Variants in FAM107B observed in about 807,000 individuals in gnomAD.
FAM107B encodes the protein protein FAM107B.
A neutral mutation model predicts 31.5 loss-of-function variants in FAM107B; 21 were observed. That is an observed-to-expected ratio of 0.67 (90% CI 0.47 to 0.96). FAM107B has a LOEUF of 0.96. FAM107B is among the 40% of genes least tolerant of loss of function. FAM107B has a pLI of 0.00. For synonymous variants in FAM107B, 157 were observed against 141.5 expected (o/e 1.11, Z -0.78); for missense variants, 452 against 377.1 (o/e 1.20, Z -1.64).
At chr10:14,700,642 G>T (rs1855374906) in intron 1 of FAM107B, among the ~76,000 whole-genome samples, 1 of 151,938 alleles carries the variant, frequency 6.6e-6, no homozygotes, top group Non-Finnish European at 1.5e-5. Context: ...TGTGGAATCT[G>T]CTGCAACTCC....
chr10:14,654,945 A>C (rs562245668), intron 2 of FAM107B, among the ~76,000 whole-genome samples: 7 of 152,328 alleles, frequency 4.6e-5, no homozygotes, highest in Middle Eastern at 3.4e-3. Flanking sequence ...GTAGTGTCTC[A>C]GTTCATTCTG....
At chr10:14,601,561 A>ACAG (rs1171582496) in intron 2 of FAM107B, among the ~76,000 whole-genome samples, 2 of 152,154 alleles carry the variant, frequency 1.3e-5, no homozygotes, top group Non-Finnish European at 2.9e-5. Flanking sequence ...ATCCCACTCC[A>ACAG]CAGCAGCTTT....
intron 1 of FAM107B, among the ~76,000 whole-genome samples, chr10:14,724,645 C>T (rs181574705): frequency 5.9e-5 from 9 of 151,820 alleles, no homozygotes; most frequent in East Asian, 5.8e-4. Context: ...AGGAGGAGAG[C>T]GTTCCCTAGG....
At chr10:14,541,695 C>T (rs1233173752) in intron 2 of FAM107B, among the ~76,000 whole-genome samples, 1 of 152,200 alleles carries the variant, frequency 6.6e-6, no homozygotes, top group Non-Finnish European at 1.5e-5. Flanking sequence ...TTGAAGGACA[C>T]AGAAGTCAAT....
At chr10:14,715,748 G>T (rs192896843) in intron 1 of FAM107B, among the ~76,000 whole-genome samples, 179 of 152,276 alleles carry the variant, frequency 1.2e-3, no homozygotes, top group Non-Finnish European at 2.1e-3. Flanking sequence ...AGCACTCCTT[G>T]TTCCCCAGCC....
intron 1 of FAM107B, among the ~76,000 whole-genome samples, chr10:14,773,435 C>T (rs765534093): frequency 1.3e-5 from 2 of 152,158 alleles, no homozygotes; most frequent in Non-Finnish European, 2.9e-5. Flanking sequence ...TGGTCCTAAG[C>T]TACTTGGCTA....
At chr10:14,628,491 A>G (rs75264976) in intron 2 of FAM107B, among the ~76,000 whole-genome samples, 5,940 of 152,186 alleles carry the variant, frequency 0.039, 177 homozygotes, top group East Asian at 0.13. Flanking sequence ...AGGTAACCCC[A>G]ATGCACTAGG....
intron 2 of FAM107B, among the ~76,000 whole-genome samples, chr10:14,583,762 C>T (rs893866671): frequency 6.6e-6 from 1 of 152,104 alleles, no homozygotes; most frequent in African/African-American, 2.4e-5. Flanking sequence ...GGAAAAGAAA[C>T]CACTGGACAA....
chr10:14,555,894 A>ACACACACACACACACACACACAC (rs112020800), intron 2 of FAM107B: 1 of 148,088 alleles, frequency 6.8e-6, no homozygotes, highest in African/African-American at 2.5e-5. Context: ...AGACATCTTT[A>ACACACACACACACACACACACAC]ACACACACAC....
chr10:14,565,787 T>A (rs1372277707), intron 2 of FAM107B, among the ~76,000 whole-genome samples: 1 of 151,986 alleles, frequency 6.6e-6, no homozygotes, highest in Non-Finnish European at 1.5e-5. Flanking sequence ...CAAAGGAGGC[T>A]GAAGGGGATA....
chr10:14,628,485 A>G (rs567976914), intron 2 of FAM107B, among the ~76,000 whole-genome samples: 2 of 152,272 alleles, frequency 1.3e-5, no homozygotes, highest in South Asian at 4.1e-4. Flanking sequence ...CTGAGAAGGT[A>G]ACCCCAATGC....
intron 2 of FAM107B, among the ~76,000 whole-genome samples, chr10:14,649,693 ATTAAT>A (rs1853851693): frequency 6.6e-6 from 1 of 152,164 alleles, no homozygotes; most frequent in Non-Finnish European, 1.5e-5. Flanking sequence ...TCTTACCTGT[ATTAAT>A]TTATGTCTTA....
At chr10:14,620,938 G>T (rs1220732059) in intron 2 of FAM107B, among the ~76,000 whole-genome samples, 1 of 152,028 alleles carries the variant, frequency 6.6e-6, no homozygotes, top group Non-Finnish European at 1.5e-5. Flanking sequence ...GTATTTCTTG[G>T]TTTTGATGTT....
chr10:14,559,321 C>T (rs1417557960), intron 2 of FAM107B, among the ~76,000 whole-genome samples: 3 of 152,166 alleles, frequency 2.0e-5, no homozygotes, highest in Non-Finnish European at 2.9e-5. Context: ...CACCCACCTG[C>T]GCAGCCAGCC....
intron 1 of FAM107B, among the ~76,000 whole-genome samples, chr10:14,732,266 C>T (rs976099615): frequency 5.3e-5 from 8 of 152,158 alleles, no homozygotes; most frequent in African/African-American, 1.9e-4. Context: ...CGCAAGCAAG[C>T]GTGAGGACAT....
intron 2 of FAM107B, among the ~76,000 whole-genome samples, chr10:14,606,988 C>G (rs551301801): frequency 2.2e-4 from 33 of 152,326 alleles, no homozygotes; most frequent in African/African-American, 7.7e-4. Context: ...ACCAAAGATG[C>G]ATTGGATTCA....
At chr10:14,626,410 A>G (rs892121588) in intron 2 of FAM107B, among the ~76,000 whole-genome samples, 7 of 152,092 alleles carry the variant, frequency 4.6e-5, no homozygotes, top group Admixed American at 2.6e-4. Flanking sequence ...CTCTCTCACA[A>G]TACTTCTGCT....
intron 1 of FAM107B, among the ~76,000 whole-genome samples, chr10:14,676,443 T>C (rs11259262): frequency 0.077 from 11,757 of 152,302 alleles, 679 homozygotes; most frequent in South Asian, 0.17. Flanking sequence ...ATTCAGAGTC[T>C]ACACCCTCTC....
intron 1 of FAM107B, among the ~76,000 whole-genome samples, chr10:14,763,247 T>C (rs1267286407): frequency 6.6e-6 from 1 of 152,024 alleles, no homozygotes; most frequent in Admixed American, 6.5e-5. Context: ...GGTGACAGAG[T>C]GAGAGTCTGT....
Sources: allele counts gnomAD v4.1 joint callset (sites outside exome capture counted in the v4.1 genomes callset), GRCh38; gene constraint gnomAD v4.1.1; transcripts MANE v1.5; gene names NCBI Gene and HGNC (gene_info 2026-07-23, HGNC 2026-07-21).